Variants in ADAMTS3 observed in about 807,000 individuals in gnomAD.
ADAMTS3 encodes the protein A disintegrin and metalloproteinase with thrombospondin motifs 3.
Under a neutral mutation model 129.0 loss-of-function variants are expected in ADAMTS3, and 73 were observed. The ratio of observed to expected loss-of-function variants is 0.57; its 90% confidence interval spans 0.47 to 0.69. The LOEUF (loss-of-function observed/expected upper bound fraction) is 0.69. Among genes scored for constraint, ADAMTS3 ranks in the 30% least tolerant of loss-of-function variants. The pLI, the probability that ADAMTS3 is intolerant of heterozygous loss-of-function variation, is 0.00. For missense variants in ADAMTS3, 1,457 were observed against 1,514.5 expected (o/e 0.96, Z 0.63); for synonymous variants, 477 against 510.8 (o/e 0.93, Z 0.89).
intron 5 of ADAMTS3, among the ~76,000 whole-genome samples, chr4:72,338,780 A>G (rs375568177): frequency 1.3e-5 from 2 of 152,142 alleles, no homozygotes; most frequent in African/African-American, 4.8e-5. Context: ...AATCTCAATT[A>G]TCTTTTAGAA....
chr4:72,367,451 T>A (rs1004948697), intron 4 of ADAMTS3, among the ~76,000 whole-genome samples: 2 of 152,120 alleles, frequency 1.3e-5, no homozygotes, highest in African/African-American at 4.8e-5. Context: ...AAGCACCATA[T>A]AAATACATAT....
At chr4:72,336,092 T>C (rs1009403165) in intron 5 of ADAMTS3, among the ~76,000 whole-genome samples, 1 of 152,178 alleles carries the variant, frequency 6.6e-6, no homozygotes, top group Non-Finnish European at 1.5e-5. Context: ...AGTTCTGATA[T>C]GGAAATGAAA....
intron 3 of ADAMTS3, among the ~76,000 whole-genome samples, chr4:72,501,949 C>T (rs1038608820): frequency 8.0e-5 from 3 of 37,348 alleles, no homozygotes; most frequent in Non-Finnish European, 2.3e-4. Context: ...ACCTCGCATC[C>T]CAGCAATGAA....
chr4:72,329,055 T>G (rs1018881008), intron 5 of ADAMTS3, among the ~76,000 whole-genome samples: 3 of 152,164 alleles, frequency 2.0e-5, no homozygotes, highest in African/African-American at 7.2e-5. Context: ...TATACTCTTA[T>G]CAACTATTTA....
chr4:72,509,957 A>G (rs1578745857), intron 3 of ADAMTS3, among the ~76,000 whole-genome samples: 2 of 152,116 alleles, frequency 1.3e-5, no homozygotes, highest in African/African-American at 4.8e-5. Flanking sequence ...GGATGGTTCA[A>G]CATATGCAAA....
At chr4:72,530,795 A>G (rs1400988018) in intron 3 of ADAMTS3, among the ~76,000 whole-genome samples, 2 of 92,312 alleles carry the variant, frequency 2.2e-5, no homozygotes, top group Non-Finnish European at 4.0e-5. Context: ...TACATTATAT[A>G]TTATATATAT....
chr4:72,496,800 C>A (rs532645320), intron 3 of ADAMTS3, among the ~76,000 whole-genome samples: 2 of 152,112 alleles, frequency 1.3e-5, no homozygotes, highest in African/African-American at 4.8e-5. Flanking sequence ...ACACCTGTCT[C>A]CTGTTTGCTT....
intron 4 of ADAMTS3, among the ~76,000 whole-genome samples, chr4:72,370,844 G>A (rs1286067024): frequency 6.6e-6 from 1 of 152,052 alleles, no homozygotes; most frequent in Non-Finnish European, 1.5e-5. Flanking sequence ...GTTGACATGT[G>A]CCCCCTGAAA....
intron 5 of ADAMTS3, among the ~76,000 whole-genome samples, chr4:72,335,607 T>TTATC (rs1719969278): frequency 2.0e-5 from 3 of 152,306 alleles, no homozygotes; most frequent in African/African-American, 7.2e-5. Flanking sequence ...CTTTACCACC[T>TTATC]TATCATTACT....
chr4:72,514,841 AATT>A (rs1260495557), intron 3 of ADAMTS3, among the ~76,000 whole-genome samples: 1 of 151,846 alleles, frequency 6.6e-6, no homozygotes, highest in Non-Finnish European at 1.5e-5. Flanking sequence ...CCTTTTTTTT[AATT>A]ATTATTATAC....
chr4:72,503,025 C>CCTTTGT, intron 3 of ADAMTS3, among the ~76,000 whole-genome samples: 4 of 151,498 alleles, frequency 2.6e-5, no homozygotes, highest in Admixed American at 2.6e-4. Flanking sequence ...TTTTTTGTTT[C>CCTTTGT]TTTTGTTTTT....
chr4:72,291,510 T>C (rs1050618771), intron 19 of ADAMTS3, among the ~76,000 whole-genome samples: 50 of 151,314 alleles, frequency 3.3e-4, no homozygotes, highest in Admixed American at 2.9e-3. Flanking sequence ...GTTTCGTTTT[T>C]TGTCCTTGCG....
At chr4:72,424,869 A>G (rs1722530851) in intron 3 of ADAMTS3, among the ~76,000 whole-genome samples, 1 of 152,146 alleles carries the variant, frequency 6.6e-6, no homozygotes, top group Non-Finnish European at 1.5e-5. Flanking sequence ...ATCCTTGGAT[A>G]CTAACTTTTT....
At chr4:72,411,618 T>C (rs1722186654) in intron 4 of ADAMTS3, among the ~76,000 whole-genome samples, 1 of 152,084 alleles carries the variant, frequency 6.6e-6, no homozygotes, top group African/African-American at 2.4e-5. Flanking sequence ...TAGAAGGCCA[T>C]TCATACTTTG....
chr4:72,318,597 C>T lies in ADAMTS3; in HGVS notation c.1460G>A (p.Gly487Asp), dbSNP rs748315898. 3.1e-6 allele frequency: 5 copies of T among 1,613,508 alleles called. No homozygotes were observed. Among genetic ancestry groups the T allele is most frequent in the African/African-American group, 2.7e-5 (2 of 74,876 alleles). The change falls in exon 10 of 22, where the codon GGT becomes GAT. Residue 487 changes from glycine to aspartate, a missense_variant. Coordinates refer to ENST00000286657, the MANE Select transcript of ADAMTS3 (RefSeq NM_014243.3). ...CGCGGTGCACATTTTATAGCCAACA[C>T]CAAAATCAAAACGACATTGCTCATC... ...SMDEQCRFDF[G>D]VGYKMCTAFR... is the part of the protein sequence containing the mutation.
At chr4:72,283,833 C>T (rs987449114) in intron 21 of ADAMTS3, 129 bp from the exon 22 acceptor site, 3 of 696,402 alleles carry the variant, frequency 4.3e-6, no homozygotes, top group Non-Finnish European at 6.7e-6. Flanking sequence ...GAGTGATCCA[C>T]ACGAGCTTTT....
At chr4:72,413,040 A>G (rs1342320065) in intron 4 of ADAMTS3, among the ~76,000 whole-genome samples, 1 of 152,072 alleles carries the variant, frequency 6.6e-6, no homozygotes, top group Admixed American at 6.6e-5. Context: ...TAAAAATACA[A>G]TAAGTATTAA....
intron 3 of ADAMTS3, among the ~76,000 whole-genome samples, chr4:72,545,468 T>G (rs1443218882): frequency 6.6e-6 from 1 of 152,152 alleles, no homozygotes; most frequent in African/African-American, 2.4e-5. Context: ...TCTTCCAGAC[T>G]AATTAAACTG....
intron 3 of ADAMTS3, among the ~76,000 whole-genome samples, chr4:72,520,257 T>C (rs1488814070): frequency 6.6e-6 from 1 of 151,896 alleles, no homozygotes. Flanking sequence ...TACTGGGGGG[T>C]GCCTCCCAGT....
Sources: allele counts gnomAD v4.1 joint callset (sites outside exome capture counted in the v4.1 genomes callset), GRCh38; gene constraint gnomAD v4.1.1; transcripts MANE v1.5; gene names NCBI Gene and HGNC (gene_info 2026-07-23, HGNC 2026-07-21).